Variants in IL20RA observed in about 807,000 individuals in gnomAD.
IL20RA encodes interleukin 20 receptor subunit alpha.
Under a neutral mutation model 36.5 loss-of-function variants are expected in IL20RA, and 29 were observed. The observed-to-expected ratio is 0.79, with a 90% CI of 0.59 to 1.08. The LOEUF (loss-of-function observed/expected upper bound fraction) is 1.08. Ranked by LOEUF, IL20RA falls within the 50% of genes least tolerant of loss-of-function variation. The pLI, the probability that IL20RA is intolerant of heterozygous loss-of-function variation, is 0.00. For missense variants in IL20RA, 652 were observed against 668.4 expected, an observed-to-expected ratio of 0.98 and a Z score of 0.27; for synonymous variants, 279 against 267.1, an observed-to-expected ratio of 1.04 and a Z score of -0.43.
rs376908179 is a variant in IL20RA at position 137,009,171 on chromosome 6, A to G, written c.579+146T>C. 235 of 738,982 alleles carry G rather than the reference A, an allele frequency of 3.2e-4. 1 individual carries two copies. In the African/African-American group the frequency reaches 3.6e-3, roughly 11 times the overall value. The allele number at this position is 738,982 out of a possible 1,614,324, so 45.8% of individuals were successfully genotyped here. On this transcript the variant is annotated intron_variant, in intron 4 of 6. Coordinates refer to ENST00000316649, the MANE Select transcript of IL20RA (RefSeq NM_014432.4). ...AGTTAGTTCTGTAAAATTTCTGTAT[A>G]TAGAACTTTATTTTGTGCGGCGTAT...
intron 2 of IL20RA, among the ~76,000 whole-genome samples, chr6:137,013,364 GACCAGAATC>G (rs1394991989): frequency 6.6e-6 from 1 of 152,192 alleles, no homozygotes; most frequent in Non-Finnish European, 1.5e-5. Flanking sequence ...AATGAATGAT[GACCAGAATC>G]ACTCAGCAAA....
At chr6:137,038,394 T>G (rs1268003333) in intron 1 of IL20RA, among the ~76,000 whole-genome samples, 1 of 151,670 alleles carries the variant, frequency 6.6e-6, no homozygotes, top group Admixed American at 6.6e-5. Context: ...TTTGTAGAGA[T>G]GGGGTCTCTC....
Position 137,001,843 on chromosome 6 carries a change from G to A in IL20RA, c.1377C>T (p.Pro459=), listed in dbSNP as rs188439628. 2.1e-4 allele frequency: 340 copies of A among 1,613,562 alleles called. 1 individual carries two copies. In the South Asian group the frequency reaches 3.6e-3, roughly 17 times the overall value. The stretch of plus-strand genomic sequence containing the variant: ...CCGAGTCTGTGTGCTCCTGCGCCAG[G>A]GGGTCTAAGTCTTGGAGCTGAGGGG... ...SYTPQLQDLD[P]LAQEHTDSEE... Residue 459 remains proline, a synonymous_variant, in exon 7 of 7, where the codon CCC becomes CCT. Transcript: ENST00000316649.
chr6:137,004,300 C>T lies in IL20RA; in HGVS notation c.864+321G>A, dbSNP rs535603216. 9.9e-5 allele frequency among the ~76,000 whole-genome samples: 15 copies of T among 151,692 alleles called. No homozygotes were observed. The East Asian group carries it at 1.9e-3, about 20-fold the overall frequency. On this transcript the variant is annotated intron_variant, in intron 6 of 6. Coordinates refer to ENST00000316649, the MANE Select transcript of IL20RA (RefSeq NM_014432.4). ...AAGTGACTCTCCTGTCTCAGCCTCCCGAGTAGCTGGGATTATAGGCATGCA... is the reference window on the plus strand; with the variant it reads ...AAGTGACTCTCCTGTCTCAGCCTCCTGAGTAGCTGGGATTATAGGCATGCA...
At position 137,017,015 on chromosome 6, in the gene IL20RA, T is replaced by C. The variant is rs935765250; in HGVS notation, c.177A>G (p.Pro59=). The C allele has an allele frequency of 6.2e-7, 1 of 1,613,346 alleles. No homozygotes were observed. The highest frequency in any genetic ancestry group is 1.1e-5 in the South Asian group (1 of 91,072). The stretch of plus-strand genomic sequence containing the variant: ...TAACTTTAACTCCTTGAAGACCCTC[T>C]GGTGGAGTCCATTGTAGGACATTCT... ...NMKNVLQWTP[P]EGLQGVKVTY... is the part of the protein sequence containing the mutation. Residue 59 remains proline (P), a synonymous_variant, in exon 2 of 7, where the codon CCA becomes CCG. Coordinates refer to ENST00000316649, the MANE Select transcript of IL20RA (RefSeq NM_014432.4).
intron 1 of IL20RA, among the ~76,000 whole-genome samples, chr6:137,031,714 G>A (rs1004666848): frequency 3.9e-5 from 6 of 151,952 alleles, no homozygotes; most frequent in Non-Finnish European, 5.9e-5. Flanking sequence ...TATGTCCTTC[G>A]TATAATCCTG....
At chr6:137,037,334 T>C (rs538460034) in intron 1 of IL20RA, among the ~76,000 whole-genome samples, 1 of 152,236 alleles carries the variant, frequency 6.6e-6, no homozygotes, top group Non-Finnish European at 1.5e-5. Context: ...ATAATATTTA[T>C]AGTCAATAAA....
intron 1 of IL20RA, chr6:137,042,660 T>C (rs1365961345): frequency 6.6e-6 from 1 of 152,218 alleles, no homozygotes; most frequent in East Asian, 1.9e-4. Context: ...ACAAGGTTCA[T>C]GACATGCTGA....
chr6:137,012,954 T>C (rs754982613), intron 2 of IL20RA, among the ~76,000 whole-genome samples: 1 of 152,156 alleles, frequency 6.6e-6, no homozygotes, highest in African/African-American at 2.4e-5. Context: ...GTGATCACTG[T>C]TACTTAAGGG....
chr6:137,008,417 G>A (rs904069822), intron 5 of IL20RA, among the ~76,000 whole-genome samples, 182 bp downstream of exon 5: 5 of 152,178 alleles, frequency 3.3e-5, no homozygotes, highest in South Asian at 4.1e-4. Flanking sequence ...TCTGAACGTC[G>A]GCCAAGCTCA....
intron 1 of IL20RA, among the ~76,000 whole-genome samples, chr6:137,022,835 G>A (rs2115397573): frequency 6.6e-6 from 1 of 152,294 alleles, no homozygotes; most frequent in African/African-American, 2.4e-5. Flanking sequence ...ACGAAGGACT[G>A]GAGTGATGCA....
rs1775070166 is a variant in IL20RA, at chr6:137,001,932, T to C, written c.1288A>G (p.Thr430Ala). 1 of 1,614,122 alleles carries C rather than the reference T, an allele frequency of 6.2e-7. No individual in the cohort carries two copies. Among genetic ancestry groups the C allele is most frequent in the African/African-American group, 1.3e-5 (1 of 75,038 alleles). Reference sequence around the variant, plus strand: ...AACGCTGCCTGCGACTCCAATAATGTTCCTTGTGTGGACACCTCCTCCTGC... The same window carrying C: ...AACGCTGCCTGCGACTCCAATAATGCTCCTTGTGTGGACACCTCCTCCTGC... Reference protein sequence around the residue: ...SLQEEVSTQGTLLESQAALAV... With the variant: ...SLQEEVSTQGALLESQAALAV... Residue 430 changes from threonine to alanine, a missense_variant, in exon 7 of 7, where the codon ACA becomes GCA. Physicochemically the swap from Thr to Ala is moderately conservative, Grantham distance 58. Coordinates refer to ENST00000316649, the MANE Select transcript of IL20RA (RefSeq NM_014432.4).
intron 6 of IL20RA, among the ~76,000 whole-genome samples, chr6:137,004,362 G>A (rs769704249): frequency 1.3e-5 from 2 of 151,926 alleles, no homozygotes; most frequent in Non-Finnish European, 2.9e-5. Context: ...TTTTAGTAGA[G>A]ATGGGGTTTC....
chr6:137,044,216 G>C, intron 1 of IL20RA: 4 of 987,592 alleles, frequency 4.1e-6, no homozygotes, highest in Non-Finnish European at 4.8e-6. Context: ...CGGCCGAGAC[G>C]CGGCATCCAC....
At chr6:137,032,728 C>T (rs1181523229) in intron 1 of IL20RA, among the ~76,000 whole-genome samples, 2 of 152,124 alleles carry the variant, frequency 1.3e-5, no homozygotes, top group Non-Finnish European at 2.9e-5. Flanking sequence ...AATCACACAC[C>T]AGGAAGATAG....
At position 137,011,301 on chromosome 6, in the gene IL20RA, T is replaced by C. The variant is rs199954231; in HGVS notation, c.376A>G (p.Ser126Gly). 9.3e-6 allele frequency: 15 copies of C among 1,612,476 alleles called. No individual in the cohort carries two copies. Among genetic ancestry groups the C allele is most frequent in the Non-Finnish European group, 1.3e-5 (15 of 1,179,400 alleles). The change falls in exon 3 of 7, where the codon AGT (serine) becomes GGT (glycine). Residue 126 changes from serine to glycine, a missense_variant. Transcript: ENST00000316649. Reference protein sequence around the residue: ...WGTKCSKWAESGRFYPFLETQ... With the variant: ...WGTKCSKWAEGGRFYPFLETQ... ...TCTAAAAAAGGATAGAACCGTCCAC[T>C]TTCAGCCCATTTGGAACACTTTGTT...
chr6:137,009,499 G>T lies in IL20RA; in HGVS notation c.404-7C>A, dbSNP rs200678057. On this transcript the variant is annotated splice_region_variant and splice_polypyrimidine_tract_variant and intron_variant, in intron 3 of 6. Coordinates refer to ENST00000316649, the MANE Select transcript of IL20RA (RefSeq NM_014432.4). ...TCTGGTGGGCCAATTTGTGCTTAAA[G>T]GGGGAGAAAGAGGGTATTATCATGT... The T allele has an allele frequency of 1.9e-6, 3 of 1,582,742 alleles. No homozygotes were observed. The highest frequency in any genetic ancestry group is 2.6e-6 in the Non-Finnish European group (3 of 1,151,798).
intron 1 of IL20RA, among the ~76,000 whole-genome samples, chr6:137,042,327 AG>A (rs1582845596): frequency 6.6e-6 from 1 of 152,250 alleles, no homozygotes; most frequent in Non-Finnish European, 1.5e-5. Flanking sequence ...GAATGATTCC[AG>A]GAACAGTAGA....
rs772784926 is a variant in IL20RA, at chr6:137,009,441, G to A, written c.455C>T (p.Ser152Phe). Residue 152 changes from serine (S) to phenylalanine (F), a missense_variant, in exon 4 of 7, where the codon TCT (serine) becomes TTT (phenylalanine). By Grantham distance (155) the Ser-to-Phe change is radical (BLOSUM62 -2). Coordinates refer to ENST00000316649, the MANE Select transcript of IL20RA (RefSeq NM_014432.4). ...CTTCTCTGGAGCTGTCAGGACAACA[G>A]AAATGGACTTCTCATCTGTAGTCAG... The part of the protein sequence containing the change: ...VALTTDEKSI[S>F]VVLTAPEKWK... 6.2e-7 allele frequency: 1 copy of A among 1,613,190 alleles called. No homozygotes were observed. The highest frequency in any genetic ancestry group is 1.1e-5 in the South Asian group (1 of 91,062).
Sources: allele counts gnomAD v4.1 joint callset (sites outside exome capture counted in the v4.1 genomes callset), GRCh38; gene constraint gnomAD v4.1.1; transcripts MANE v1.5; gene names NCBI Gene and HGNC (gene_info 2026-07-23, HGNC 2026-07-21).